Variants in PALS1 observed in about 807,000 individuals in gnomAD.
The protein encoded by PALS1 is protein associated with LIN7 1, MAGUK p55 family member, also known as protein PALS1.
Under a neutral mutation model 78.9 loss-of-function variants are expected in PALS1, and 31 were observed. The ratio of observed to expected loss-of-function variants is 0.39; its 90% CI spans 0.30 to 0.53. The LOEUF (loss-of-function observed/expected upper bound fraction) is 0.53. Among genes scored for constraint, PALS1 ranks in the 20% least tolerant of loss-of-function variants. PALS1 has a pLI of 0.67. For synonymous variants in PALS1, 276 were observed against 270.9 expected (o/e 1.02, Z -0.18); for missense variants, 704 against 826.5 (o/e 0.85, Z 1.82).
intron 14 of PALS1, among the ~76,000 whole-genome samples, chr14:67,324,632 T>C (rs2085322139): frequency 6.6e-6 from 1 of 152,126 alleles, no homozygotes; most frequent in African/African-American, 2.4e-5. Context: ...TTGCCCAGGC[T>C]GGAGTGTAGT....
At chr14:67,248,751 C>T (rs1452742868) in intron 1 of PALS1, among the ~76,000 whole-genome samples, 1 of 152,114 alleles carries the variant, frequency 6.6e-6, no homozygotes, top group Non-Finnish European at 1.5e-5. Flanking sequence ...ATGACTTTTC[C>T]AATAAAACTT....
intron 2 of PALS1, chr14:67,270,736 TAGG>T (rs1347747279): frequency 6.6e-6 from 1 of 152,146 alleles, no homozygotes; most frequent in Non-Finnish European, 1.5e-5. Context: ...GCTAAAACTA[TAGG>T]ATACAGTATA....
chr14:67,272,732 C>T (rs1291449703), intron 2 of PALS1, among the ~76,000 whole-genome samples: 2 of 152,200 alleles, frequency 1.3e-5, no homozygotes, highest in Non-Finnish European at 1.5e-5. Flanking sequence ...GATCTTGGCT[C>T]ACTACAACCT....
At chr14:67,278,844 G>A (rs928798749) in intron 2 of PALS1, among the ~76,000 whole-genome samples, 174 bp from the exon 3 acceptor site, 1 of 151,952 alleles carries the variant, frequency 6.6e-6, no homozygotes, top group South Asian at 2.1e-4. Flanking sequence ...GGGGAGGGGG[G>A]AATCTTGATT....
intron 14 of PALS1, among the ~76,000 whole-genome samples, chr14:67,324,530 T>A (rs1423675013): frequency 6.6e-6 from 1 of 152,196 alleles, no homozygotes; most frequent in African/African-American, 2.4e-5. Flanking sequence ...AGATAGTCAT[T>A]AAAAGCATAT....
chr14:67,297,048 T>C (rs1373347373), intron 4 of PALS1, among the ~76,000 whole-genome samples: 1 of 152,244 alleles, frequency 6.6e-6, no homozygotes. Context: ...GTCACATTAT[T>C]TTAACTTGAT....
At chr14:67,302,627 CT>C in intron 7 of PALS1, 56 bp downstream of exon 7, 1 of 1,261,414 alleles carries the variant, frequency 7.9e-7, no homozygotes, top group South Asian at 2.6e-5. Context: ...TCTTATTAGA[CT>C]TTAGAATAAA....
intron 1 of PALS1, among the ~76,000 whole-genome samples, chr14:67,251,441 G>A (rs147193246): frequency 2.4e-4 from 36 of 152,268 alleles, no homozygotes; most frequent in African/African-American, 8.4e-4. Flanking sequence ...GCTAAAGTGA[G>A]AGGATTTCTT....
In PALS1 at chr14:67,284,547, TAAAAAAAAAAAAAAAAAAAAAAA is replaced by T. The variant is rs36207191; in HGVS notation, c.367+5029_367+5051del. On this transcript the variant is annotated intron_variant, in intron 3 of 14. Transcript: ENST00000261681. ...GCCCAGGAGATCGAGGCTGCAGTGCTAAAAAAAAAAAAAAAAAAAAAAAAAAAAAAAAAAAAAAAAAGGTTGTG... is the reference window on the plus strand; with the variant it reads ...GCCCAGGAGATCGAGGCTGCAGTGCTAAAAAAAAAAAAAAAAAAGGTTGTG... Among the ~76,000 whole-genome samples the T allele has an allele frequency of 1.1e-3, 26 of 23,310 alleles. No homozygotes were observed. The East Asian group carries it at 0.014, about 13-fold the overall frequency. The allele number at this position is 23,310 out of a possible 152,430, so 15.3% of individuals were successfully genotyped here.
In PALS1 at chr14:67,275,469, C is replaced by T. The variant is rs1400188371; in HGVS notation, c.-153-3549C>T. Among the ~76,000 whole-genome samples the T allele has an allele frequency of 5.3e-5, 8 of 152,214 alleles. No individual in the cohort carries two copies. The East Asian group carries it at 1.5e-3, about 29-fold the overall frequency. ...CCAGCCTTGCATCCCAGGGATGAAG[C>T]CCATTTGATTGTGGTGCATAAGCTT... is the stretch of plus-strand genomic sequence containing the variant. On this transcript the variant is annotated intron_variant, in intron 2 of 14. Transcript: ENST00000261681.
At chr14:67,260,321 C>G (rs929981189) in intron 1 of PALS1, among the ~76,000 whole-genome samples, 1 of 152,080 alleles carries the variant, frequency 6.6e-6, no homozygotes, top group Non-Finnish European at 1.5e-5. Context: ...GGAGGACATT[C>G]GTGGTAAGAA....
chr14:67,307,829 C>T (rs192206816), intron 8 of PALS1, among the ~76,000 whole-genome samples: 3 of 152,046 alleles, frequency 2.0e-5, no homozygotes, highest in Admixed American at 6.6e-5. Flanking sequence ...GTGGAATCAA[C>T]CTAAATGCCC....
Position 67,253,957 on chromosome 14 carries a change from TG to T in PALS1, c.-237+12425del, listed in dbSNP as rs370833122. On this transcript the variant is annotated intron_variant, in intron 1 of 14. Transcript: ENST00000261681. ...TATCAGTGTGTTTGTGTTAATATTT[TG>T]TTTTGTTTTTTTTTTTCCATTTTGA... 2.4e-3 allele frequency among the ~76,000 whole-genome samples: 361 copies of T among 150,464 alleles called. 10 individuals are homozygous for T. Among genetic ancestry groups the T allele is most frequent in the South Asian group, 7.8e-3 (37 of 4,730 alleles).
At chr14:67,288,543 C>G (rs556045001) in intron 3 of PALS1, among the ~76,000 whole-genome samples, 1 of 152,170 alleles carries the variant, frequency 6.6e-6, no homozygotes, top group Non-Finnish European at 1.5e-5. Context: ...ATTTAATTGT[C>G]TACTCAGAGA....
chr14:67,245,320 G>C (rs1186772303), intron 1 of PALS1, among the ~76,000 whole-genome samples: 1 of 151,978 alleles, frequency 6.6e-6, no homozygotes, highest in Non-Finnish European at 1.5e-5. Context: ...CACTTGGTAT[G>C]GTCAGTCTTT....
chr14:67,327,887 A>G (rs1422230591), intron 14 of PALS1, among the ~76,000 whole-genome samples: 2 of 151,852 alleles, frequency 1.3e-5, no homozygotes, highest in East Asian at 1.9e-4. Context: ...CCAGTCTATC[A>G]TTGATTTGGG....
At chr14:67,316,401 G>A (rs1042829055) in intron 9 of PALS1, among the ~76,000 whole-genome samples, 9 of 150,820 alleles carry the variant, frequency 6.0e-5, no homozygotes, top group South Asian at 2.1e-4. Context: ...TGGTTTCTTG[G>A]AATTGAATAT....
At chr14:67,327,865 C>G (rs1473836648) in intron 14 of PALS1, among the ~76,000 whole-genome samples, 1 of 152,228 alleles carries the variant, frequency 6.6e-6, no homozygotes, top group East Asian at 1.9e-4. Flanking sequence ...ATATGTGCCA[C>G]ATTTTCTTAA....
intron 1 of PALS1, among the ~76,000 whole-genome samples, chr14:67,259,485 G>A (rs539911685): frequency 6.6e-6 from 1 of 152,006 alleles, no homozygotes; most frequent in Non-Finnish European, 1.5e-5. Flanking sequence ...AGTGTTGGGC[G>A]CCTGTAATCC....
Sources: gnomAD v4.1 joint callset for allele counts (sites outside exome capture counted in the v4.1 genomes callset) on GRCh38, gnomAD v4.1.1 for gene constraint, MANE v1.5 for transcripts, NCBI Gene and HGNC (gene_info 2026-07-23, HGNC 2026-07-21) for gene names.